The following SQLE variants were observed in gnomAD, a reference collection of about 807,000 sequenced individuals.
SQLE encodes squalene monooxygenase.
SQLE carries 29 observed loss-of-function variants against 60.7 expected under a neutral mutation model. The ratio of observed to expected loss-of-function variants is 0.48; its 90% CI spans 0.36 to 0.65. The LOEUF (loss-of-function observed/expected upper bound fraction) is 0.65. Among genes scored for constraint, SQLE ranks in the 30% least tolerant of loss-of-function variants. The pLI is 0.00. For missense variants in SQLE, 605 were observed against 684.1 expected (o/e 0.88, Z 1.29); for synonymous variants, 237 against 246.8 (o/e 0.96, Z 0.37).
At chr8:125,019,059 A>G (rs1485624916) in intron 9 of SQLE, 1 of 196,764 alleles carries the variant, frequency 5.1e-6, no homozygotes, top group African/African-American at 2.4e-5. Flanking sequence ...TTAAAAGGCA[A>G]TGTAGTCTTT....
At chr8:125,015,234 A>G (rs1431784007) in intron 7 of SQLE, among the ~76,000 whole-genome samples, 1 of 151,706 alleles carries the variant, frequency 6.6e-6, no homozygotes, top group African/African-American at 2.4e-5. Flanking sequence ...TTTGGTTTCC[A>G]TTTGCATGGA....
At position 124,998,543 on chromosome 8, in the gene SQLE, C is replaced by T. The variant is rs535185124; in HGVS notation, c.-861C>T. 4.4e-5 allele frequency: 30 copies of T among 674,212 alleles called. No homozygotes were observed. In the Middle Eastern group the frequency reaches 1.6e-3, roughly 36 times the overall value. 41.8% of individuals were successfully genotyped at this position (674,212 alleles called of 1,614,324 possible). A position where few individuals can be genotyped will look rare whatever the true frequency, so the allele number is the denominator to read the frequency against. On this transcript the variant is annotated 5_prime_UTR_variant, in exon 1 of 11. In the 5' UTR this introduces an upstream ATG that the reference lacks. Coordinates refer to ENST00000265896, the MANE Select transcript of SQLE (RefSeq NM_003129.4). Reference sequence around the variant, plus strand: ...CCTGGCGGCGAGTGGGGGCGTGCGACGGTTACTCTGGTTACTGGGGCCGCG... The same window carrying T: ...CCTGGCGGCGAGTGGGGGCGTGCGATGGTTACTCTGGTTACTGGGGCCGCG...
In SQLE at chr8:125,018,649, T is replaced by C; in HGVS notation, c.1366T>C (p.Trp456Arg). 2.5e-6 allele frequency: 4 copies of C among 1,600,610 alleles called. No homozygotes were observed. Among genetic ancestry groups the C allele is most frequent in the Non-Finnish European group, 3.4e-6 (4 of 1,176,412 alleles). ...AIFEAKKSFY[W>R]ARKTSHSFVV... The stretch of plus-strand genomic sequence containing the variant: ...TTTTTAGGCCAAAAAATCATTTTAC[T>C]GGGCAAGAAAAACATCTCATTCCTT... The change falls in exon 9 of 11, where the codon TGG (tryptophan) becomes CGG (arginine). Residue 456 changes from tryptophan to arginine, a missense_variant. By Grantham distance (101) the Trp-to-Arg change is moderately radical. Transcript: ENST00000265896.
Position 125,014,947 on chromosome 8 carries a change from T to G in SQLE, c.1205-3112T>G, listed in dbSNP as rs79383957. Among the ~76,000 whole-genome samples, 712 of 152,300 alleles carry G rather than the reference T, an allele frequency of 4.7e-3. 3 individuals are homozygous for G. The highest frequency in any genetic ancestry group is 8.2e-3 in the Non-Finnish European group (560 of 68,004). On this transcript the variant is annotated intron_variant, in intron 7 of 10. Transcript: ENST00000265896. ...GGTCTGTTTGGCCTGTAGTCCAGATTAAGTCTGATGTTTGTTGTTTATCTG... is the reference window on the plus strand; with the variant it reads ...GGTCTGTTTGGCCTGTAGTCCAGATGAAGTCTGATGTTTGTTGTTTATCTG...
chr8:125,015,587 A>G (rs560143269), intron 7 of SQLE, among the ~76,000 whole-genome samples: 1 of 152,256 alleles, frequency 6.6e-6, no homozygotes, highest in South Asian at 2.1e-4. Flanking sequence ...TGCAGGTCAT[A>G]TCTTATAACC....
intron 7 of SQLE, among the ~76,000 whole-genome samples, chr8:125,012,874 A>C (rs1309093803): frequency 6.6e-6 from 1 of 152,174 alleles, no homozygotes; most frequent in Non-Finnish European, 1.5e-5. Context: ...CATTCCTTTC[A>C]GCAGTGTGTG....
rs919800131 is a variant in SQLE, at chr8:124,999,268, C to T, written c.-136C>T. On this transcript the variant is annotated 5_prime_UTR_variant, in exon 1 of 11. Coordinates refer to ENST00000265896, the MANE Select transcript of SQLE (RefSeq NM_003129.4). ...TAAAAACTGGTCTGATCGGACTTCT[C>T]GTCCTGGGACACTGTTTACTGGAGT... 1.3e-5 allele frequency: 10 copies of T among 797,760 alleles called. No homozygotes were observed. The highest frequency in any genetic ancestry group is 7.2e-5 in the African/African-American group (4 of 55,632). The allele number at this position is 797,760 out of a possible 1,614,324, so 49.4% of individuals were successfully genotyped here. A position where few individuals can be genotyped will look rare whatever the true frequency, so the allele number is the denominator to read the frequency against.
Position 125,020,807 on chromosome 8 carries a change from G to A in SQLE, c.1468G>A (p.Ala490Thr). 6.2e-7 allele frequency: 1 copy of A among 1,612,494 alleles called. No homozygotes were observed. Among genetic ancestry groups the A allele is most frequent in the Non-Finnish European group, 8.5e-7 (1 of 1,178,834 alleles). ...TDDSLHQLRKACFLYFKLGGE... is the reference protein window; with the variant it reads ...TDDSLHQLRKTCFLYFKLGGE... ...AGATTCCCTGCATCAACTAAGAAAA[G>A]CCTGTTTTCTTTATTTCAAACTTGG... Residue 490 changes from alanine (A) to threonine (T), a missense_variant, in exon 10 of 11, where the codon GCC becomes ACC. By Grantham distance (58) the Ala-to-Thr change is moderately conservative (BLOSUM62 0). Transcript: ENST00000265896.
chr8:125,006,389 G>T (rs1330941001), intron 3 of SQLE, among the ~76,000 whole-genome samples: 1 of 152,056 alleles, frequency 6.6e-6, no homozygotes, highest in Non-Finnish European at 1.5e-5. Context: ...GGGAGGCTGA[G>T]GTGGGCAGAT....
chr8:125,019,018 G>C, intron 9 of SQLE: 1 of 264,004 alleles, frequency 3.8e-6, no homozygotes, highest in Non-Finnish European at 7.0e-6. Context: ...ACACACACAA[G>C]ACTGTGATGG....
rs75742946 is a variant in SQLE, at chr8:124,999,799, G to A, written c.291+105G>A. The A allele has an allele frequency of 6.9e-3, 8,975 of 1,309,762 alleles. 385 individuals are homozygous for A. The African/African-American group carries it at 0.1, about 15-fold the overall frequency. 81.1% of individuals were successfully genotyped at this position (1,309,762 alleles called of 1,614,324 possible). ...AATTGCAAAAGGCGGCAGGTTAGAT[G>A]CTTGTATACATTCTCATGTATTTTT... On this transcript the variant is annotated intron_variant, in intron 1 of 10. Coordinates refer to ENST00000265896, the MANE Select transcript of SQLE (RefSeq NM_003129.4).
chr8:125,012,747 T>C (rs1414577636), intron 7 of SQLE, among the ~76,000 whole-genome samples: 4 of 152,366 alleles, frequency 2.6e-5, no homozygotes, highest in East Asian at 3.9e-4. Flanking sequence ...TGTGGACATA[T>C]ATTTTCATTT....
chr8:125,020,289 T>G (rs1815182114), intron 9 of SQLE, among the ~76,000 whole-genome samples: 1 of 152,206 alleles, frequency 6.6e-6, no homozygotes, highest in Admixed American at 6.5e-5. Context: ...TATCAATTGA[T>G]TACACTACAT....
chr8:125,003,605 T>C (rs1484420776), intron 2 of SQLE, among the ~76,000 whole-genome samples, 177 bp downstream of exon 2: 1 of 152,170 alleles, frequency 6.6e-6, no homozygotes, highest in Non-Finnish European at 1.5e-5. Context: ...AAGCATTTAA[T>C]AGTATGATTA....
chr8:125,009,847 GA>G (rs1471318638), intron 6 of SQLE, among the ~76,000 whole-genome samples: 1 of 151,942 alleles, frequency 6.6e-6, no homozygotes, highest in Non-Finnish European at 1.5e-5. Context: ...ATAGTTTTTA[GA>G]ATAATTGTTT....
chr8:125,020,062 T>C (rs1278517262), intron 9 of SQLE, among the ~76,000 whole-genome samples: 1 of 152,212 alleles, frequency 6.6e-6, no homozygotes, highest in Non-Finnish European at 1.5e-5. Context: ...TTTTCTGAGC[T>C]CTTCTTTCTA....
At position 125,005,657 on chromosome 8, in the gene SQLE, A is replaced by G. The variant is rs764909838; in HGVS notation, c.677A>G (p.His226Arg). ...NQVQSGRAFH[H>R]GRFIMSLRKA... ...GTGCAGAGTGGAAGAGCTTTCCATCACGGAAGATTCATCATGAGTCTCCGG... is the reference window on the plus strand; with the variant it reads ...GTGCAGAGTGGAAGAGCTTTCCATCGCGGAAGATTCATCATGAGTCTCCGG... Residue 226 changes from histidine (H) to arginine (R), a missense_variant, in exon 3 of 11, where the codon CAC becomes CGC. Transcript: ENST00000265896. 1.2e-6 allele frequency: 2 copies of G among 1,606,478 alleles called. No individual in the cohort carries two copies. Among genetic ancestry groups the G allele is most frequent in the Admixed American group, 1.7e-5 (1 of 59,628 alleles).
intron 3 of SQLE, among the ~76,000 whole-genome samples, chr8:125,006,282 A>C (rs936427067): frequency 6.6e-6 from 1 of 152,186 alleles, no homozygotes; most frequent in Non-Finnish European, 1.5e-5. Flanking sequence ...CTTTGGACTA[A>C]AAAGACTTGA....
chr8:125,007,279 GCA>G, intron 3 of SQLE, 110 bp from the exon 4 acceptor site: 4 of 620,972 alleles, frequency 6.4e-6, no homozygotes, highest in Non-Finnish European at 1.0e-5. Flanking sequence ...ACACGTGTTT[GCA>G]CACACATGCA....
Sources: gnomAD v4.1 joint callset for allele counts (sites outside exome capture counted in the v4.1 genomes callset) on GRCh38, gnomAD v4.1.1 for gene constraint, MANE v1.5 for transcripts, NCBI Gene and HGNC (gene_info 2026-07-23, HGNC 2026-07-21) for gene names.